The following ECD variants were observed in gnomAD, a reference collection of about 807,000 sequenced individuals.
ECD encodes the protein ecdysoneless cell cycle regulator.
In ECD, 59 loss-of-function variants were observed where a neutral mutation model predicts 77.2. The observed-to-expected ratio is 0.76, with a 90% confidence interval of 0.62 to 0.95. The LOEUF (loss-of-function observed/expected upper bound fraction) is 0.95, where lower values mean the gene tolerates loss of function less well. Among genes scored for constraint, ECD ranks in the 40% least tolerant of loss-of-function variants. ECD has a pLI of 0.00. For missense variants in ECD, 704 were observed against 763.4 expected (o/e 0.92, Z 0.92); for synonymous variants, 233 against 267.4 (o/e 0.87, Z 1.26).
At chr10:73,137,795 T>C (rs1842995920) in intron 12 of ECD, among the ~76,000 whole-genome samples, 1 of 148,460 alleles carries the variant, frequency 6.7e-6, no homozygotes, top group African/African-American at 2.6e-5. Context: ...AAAAAAAAAT[T>C]AATGAGCAGC....
At chr10:73,149,599 A>G (rs1159548841) in intron 7 of ECD, among the ~76,000 whole-genome samples, 1 of 152,204 alleles carries the variant, frequency 6.6e-6, no homozygotes, top group Non-Finnish European at 1.5e-5. Context: ...ATTTTGCCCA[A>G]CTGTATGCTA....
intron 2 of ECD, among the ~76,000 whole-genome samples, chr10:73,161,591 C>T (rs1012425761): frequency 6.6e-6 from 1 of 152,176 alleles, no homozygotes; most frequent in African/African-American, 2.4e-5. Flanking sequence ...AAGCTGGCTT[C>T]ACCGGGGAAT....
At chr10:73,145,443 A>C (rs932653492) in intron 9 of ECD, among the ~76,000 whole-genome samples, 1 of 152,180 alleles carries the variant, frequency 6.6e-6, no homozygotes, top group Non-Finnish European at 1.5e-5. Context: ...TTTTAAAAAA[A>C]CCACAAACTT....
Position 73,147,611 on chromosome 10 carries a change from C to T in ECD, c.1041+665G>A, listed in dbSNP as rs143567086. 5.3e-4 allele frequency among the ~76,000 whole-genome samples: 80 copies of T among 151,892 alleles called. 1 individual carries two copies. The highest frequency in any genetic ancestry group is 1.7e-3 in the African/African-American group (69 of 41,476). On this transcript the variant is annotated intron_variant, in intron 8 of 13. Transcript: ENST00000372979. ...CATTAGTACTTTTCGTATTGCTGTG[C>T]CATCTTTATCATCATCATATTCTTC...
rs191627377 is a variant in ECD at position 73,147,461 on chromosome 10, A to C, written c.1041+815T>G. Among the ~76,000 whole-genome samples the C allele has an allele frequency of 6.5e-3, 995 of 152,220 alleles. 5 individuals carry two copies. The highest frequency in any genetic ancestry group is 0.012 in the Non-Finnish European group (844 of 67,994). ...TACTCAGGAGGCTGAGGCTGAGGAG[A>C]ATCGCTTGAACCTAGGAGGTAGAGG... On this transcript the variant is annotated intron_variant, in intron 8 of 13. Coordinates refer to ENST00000372979, the MANE Select transcript of ECD (RefSeq NM_007265.3).
Position 73,148,285 on chromosome 10 carries a change from A to C in ECD, c.1032T>G (p.Asp344Glu), listed in dbSNP as rs756130136. The C allele has an allele frequency of 2.5e-6, 4 of 1,613,714 alleles. No individual in the cohort carries two copies. Among genetic ancestry groups the C allele is most frequent in the Non-Finnish European group, 3.4e-6 (4 of 1,179,790 alleles). Residue 344 changes from aspartate (D) to glutamate (E), a missense_variant, in exon 8 of 14, where the codon GAT becomes GAG. Around this residue, in one of 3 missense-constraint regions of ECD, gnomAD observed 559 missense variants for 583.7 expected, o/e 0.96. Transcript: ENST00000372979. ...ASFLESLKKN[D>E]YFKGLIEGSA... is the part of the protein sequence containing the mutation. Reference sequence around the variant, plus strand: ...ATATTGCAAGTCCTACCTTAAAGTAATCATTCTTTTTCAGACTTTCAAGGA... The same window carrying C: ...ATATTGCAAGTCCTACCTTAAAGTACTCATTCTTTTTCAGACTTTCAAGGA...
chr10:73,134,875 C>A, intron 13 of ECD, 62 bp from the exon 14 acceptor site: 1 of 1,388,452 alleles, frequency 7.2e-7, no homozygotes. Context: ...ATGGTGGTTA[C>A]AATAAAAAGA....
intron 9 of ECD, among the ~76,000 whole-genome samples, chr10:73,144,948 G>T (rs1200040926): frequency 6.6e-6 from 1 of 152,144 alleles, no homozygotes; most frequent in Non-Finnish European, 1.5e-5. Context: ...TGCTTGAGGT[G>T]ATGGAAAGCT....
At chr10:73,143,698 C>T (rs1843087279) in intron 9 of ECD, among the ~76,000 whole-genome samples, 1 of 151,996 alleles carries the variant, frequency 6.6e-6, no homozygotes, top group African/African-American at 2.4e-5. Flanking sequence ...AATCCAATTA[C>T]ACTCTATGTT....
In ECD at chr10:73,139,400, T is replaced by C. The variant is rs574287013; in HGVS notation, c.1330A>G (p.Lys444Glu). 4.3e-6 allele frequency: 7 copies of C among 1,614,162 alleles called. No individual in the cohort carries two copies. Among genetic ancestry groups the C allele is most frequent in the African/African-American group, 4.0e-5 (3 of 75,042 alleles). ...TCAGTTAAGTCATAGTTCTGCTCCT[T>C]CTCCTCCTTGGAAACAGACTCGGAT... ...KESESVSKEE[K>E]EQNYDLTEVS... The change falls in exon 11 of 14, where the codon AAG becomes GAG. Residue 444 changes from lysine (K) to glutamate (E), a missense_variant. Lys to Glu is a moderately conservative substitution (Grantham distance 56). This residue lies in a region of ECD where 559 missense variants were observed against 583.7 expected (regional missense o/e 0.96). Transcript: ENST00000372979.
rs967616563 is a variant in ECD, at chr10:73,158,906, C to T, written c.323+1528G>A. On this transcript the variant is annotated intron_variant, in intron 3 of 13. Coordinates refer to ENST00000372979, the MANE Select transcript of ECD (RefSeq NM_007265.3). Reference sequence around the variant, plus strand: ...AAATAAATAATAAATAAATTTAAAACATTTAAAAATTTTAAATAAATTTAT... The same window carrying T: ...AAATAAATAATAAATAAATTTAAAATATTTAAAAATTTTAAATAAATTTAT... 1.4e-4 allele frequency among the ~76,000 whole-genome samples: 22 copies of T among 151,852 alleles called. No individual in the cohort carries two copies. In the South Asian group the frequency reaches 4.6e-3, roughly 31 times the overall value.
intron 1 of ECD, among the ~76,000 whole-genome samples, chr10:73,165,541 G>A (rs1004576132): frequency 1.3e-5 from 2 of 151,322 alleles, no homozygotes; most frequent in African/African-American, 2.4e-5. Context: ...TAGTAGAGAC[G>A]GGGTTTTACC....
chr10:73,160,298 AG>A, intron 3 of ECD, 135 bp downstream of exon 3: 1 of 485,720 alleles, frequency 2.1e-6, no homozygotes, highest in South Asian at 3.3e-5. Context: ...AAAAAAAAAA[AG>A]AGCACAGATA....
chr10:73,134,761 G>A lies in ECD; in HGVS notation c.1757C>T (p.Thr586Met), dbSNP rs377196140. 4.0e-5 allele frequency: 65 copies of A among 1,614,124 alleles called. No individual in the cohort carries two copies. Among genetic ancestry groups the A allele is most frequent in the South Asian group, 2.3e-4 (21 of 91,076 alleles). Reference protein sequence around the residue: ...DNNSDEEDSGTGESVMAPVDV... With the variant: ...DNNSDEEDSGMGESVMAPVDV... ...TACTGGTGCCATAACAGATTCTCCC[G>A]TACCAGAATCTTCCTCATCTGAATT... The change falls in exon 14 of 14, where the codon ACG becomes ATG. Residue 586 changes from threonine to methionine, a missense_variant. By Grantham distance (81) the Thr-to-Met change is moderately conservative (BLOSUM62 -1). Around this residue, in one of 3 missense-constraint regions of ECD, gnomAD observed 142 missense variants for 163.6 expected, o/e 0.87. Coordinates refer to ENST00000372979, the MANE Select transcript of ECD (RefSeq NM_007265.3).
In ECD at chr10:73,134,887, A is replaced by G. The variant is rs1589676372; in HGVS notation, c.1705-74T>C. On this transcript the variant is annotated intron_variant, in intron 13 of 13. Coordinates refer to ENST00000372979, the MANE Select transcript of ECD (RefSeq NM_007265.3). ...TGCATGGTGGTTACAATAAAAAGAT[A>G]ACTAAGCCACAATGTAAATTTGCAT... 3.4e-5 allele frequency: 42 copies of G among 1,253,340 alleles called. 1 individual carries two copies. The highest frequency in any genetic ancestry group is 4.5e-5 in the Non-Finnish European group (40 of 879,780). 77.6% of individuals were successfully genotyped at this position (1,253,340 alleles called of 1,614,324 possible).
rs1484436546 is a variant in ECD, at chr10:73,154,299, C to T, written c.740G>A (p.Arg247His). The T allele has an allele frequency of 1.2e-6, 2 of 1,612,170 alleles. No homozygotes were observed. The highest frequency in any genetic ancestry group is 1.3e-5 in the African/African-American group (1 of 74,952). ...LRDPIDLRAC[R>H]VFKTFLPETR... ...TTCAGGCAAGAATGTCTTGAAAACA[C>T]GACAAGCTCGCAGGTCAATAGGGTC... Residue 247 changes from arginine to histidine, a missense_variant, in exon 6 of 14, where the codon CGT becomes CAT. By Grantham distance (29) the Arg-to-His change is conservative (BLOSUM62 0). This residue lies in a region of ECD where 559 missense variants were observed against 583.7 expected (regional missense o/e 0.96). Transcript: ENST00000372979.
intron 12 of ECD, among the ~76,000 whole-genome samples, chr10:73,137,375 T>A (rs1444197089): frequency 6.6e-6 from 1 of 152,166 alleles, no homozygotes; most frequent in Non-Finnish European, 1.5e-5. Context: ...TTTTTTGAGT[T>A]ATCTTTTTAT....
chr10:73,160,584 G>T, intron 2 of ECD, 33 bp from the exon 3 acceptor site: 1 of 1,482,110 alleles, frequency 6.7e-7, no homozygotes, highest in Non-Finnish European at 9.2e-7. Flanking sequence ...CATGTAACCA[G>T]ATAAATTTGT....
At chr10:73,137,902 C>T in intron 12 of ECD, 101 bp downstream of exon 12, 1 of 846,950 alleles carries the variant, frequency 1.2e-6, no homozygotes, top group Non-Finnish European at 1.7e-6. Flanking sequence ...GAAGAGAAAG[C>T]AAACATTTTG....
Sources: allele counts gnomAD v4.1 joint callset (sites outside exome capture counted in the v4.1 genomes callset), GRCh38; gene constraint gnomAD v4.1.1; regional missense constraint gnomAD v4.1.1; transcripts MANE v1.5; gene names NCBI Gene and HGNC (gene_info 2026-07-23, HGNC 2026-07-21).